The following MARCHF6 variants were observed in gnomAD, a reference collection of about 807,000 sequenced individuals.
MARCHF6 encodes membrane associated ring-CH-type finger 6, also known as E3 ubiquitin-protein ligase MARCHF6.
In MARCHF6, 31 loss-of-function variants were observed where a neutral mutation model predicts 133.7. The ratio of observed to expected loss-of-function variants is 0.23; its 90% confidence interval spans 0.17 to 0.31. The LOEUF (loss-of-function observed/expected upper bound fraction) is 0.31. Ranked by LOEUF, MARCHF6 falls within the 10% of genes least tolerant of loss-of-function variation. MARCHF6 has a pLI of 1.00. For synonymous variants in MARCHF6, 395 were observed against 402.5 expected, an observed-to-expected ratio of 0.98 and a Z score of 0.22; for missense variants, 723 against 1,121.6, an observed-to-expected ratio of 0.64 and a Z score of 5.08.
intron 23 of MARCHF6, 120 bp downstream of exon 23, chr5:10,423,944 G>C (rs1174337543): frequency 3.4e-6 from 2 of 581,086 alleles, no homozygotes; most frequent in East Asian, 6.3e-5. Flanking sequence ...TTTTTTGATG[G>C]GCATATATAA....
intron 1 of MARCHF6, among the ~76,000 whole-genome samples, 160 bp from the exon 2 acceptor site, chr5:10,377,637 GA>G (rs1736871082): frequency 6.6e-6 from 1 of 152,196 alleles, no homozygotes; most frequent in Non-Finnish European, 1.5e-5. Context: ...ATAAACACTT[GA>G]ATAGCAACTT....
chr5:10,398,628 C>A (rs933134119), intron 10 of MARCHF6, among the ~76,000 whole-genome samples: 1 of 150,576 alleles, frequency 6.6e-6, no homozygotes, highest in Non-Finnish European at 1.5e-5. Flanking sequence ...AGATTTAAGT[C>A]TTTACTCTTG....
chr5:10,377,702 T>C, intron 1 of MARCHF6, 96 bp from the exon 2 acceptor site: 1 of 720,026 alleles, frequency 1.4e-6, no homozygotes. Context: ...TGATAGATTC[T>C]TGCTTTAATG....
intron 11 of MARCHF6, 35 bp downstream of exon 11, chr5:10,400,877 C>G (rs750066886): frequency 6.3e-6 from 9 of 1,430,170 alleles, no homozygotes; most frequent in Non-Finnish European, 8.9e-6. Flanking sequence ...TACTTTCATT[C>G]ATTACTCCCA....
chr5:10,418,907 A>C (rs990325074), intron 22 of MARCHF6, among the ~76,000 whole-genome samples: 8 of 152,198 alleles, frequency 5.3e-5, no homozygotes, highest in Non-Finnish European at 1.2e-4. Context: ...CATTTAATCT[A>C]GCTTTGGGAG....
chr5:10,426,091 A>G (rs1481295345), intron 23 of MARCHF6, among the ~76,000 whole-genome samples: 1 of 152,244 alleles, frequency 6.6e-6, no homozygotes, highest in Non-Finnish European at 1.5e-5. Context: ...TCTTGAATGA[A>G]TACCACTGAA....
intron 1 of MARCHF6, among the ~76,000 whole-genome samples, chr5:10,359,597 A>G (rs770321557): frequency 2.2e-4 from 33 of 152,116 alleles, no homozygotes; most frequent in Non-Finnish European, 1.5e-4. Context: ...AAATTCTCCA[A>G]TATATTTATT....
rs372306828 is a variant in MARCHF6 at position 10,402,147 on chromosome 5, T to C, written c.1053+8T>C. The stretch of plus-strand genomic sequence containing the variant: ...ACACTGATAATTTGTCATGTATCCT[T>C]TAATGAACCAACTTGGGTGTACACT... On this transcript the variant is annotated splice_region_variant and intron_variant, in intron 12 of 25. Coordinates refer to ENST00000274140, the MANE Select transcript of MARCHF6 (RefSeq NM_005885.4). 54 of 1,544,556 alleles carry C rather than the reference T, an allele frequency of 3.5e-5. No homozygotes were observed. The highest frequency in any genetic ancestry group is 4.5e-5 in the Non-Finnish European group (50 of 1,121,316).
At chr5:10,397,185 A>G (rs746037256) in intron 9 of MARCHF6, 108 bp from the exon 10 acceptor site, 31 of 721,942 alleles carry the variant, frequency 4.3e-5, no homozygotes, top group African/African-American at 5.4e-5. Context: ...GAAAATTTCA[A>G]TCTTAGCTGT....
Position 10,407,105 on chromosome 5 carries a change from G to A in MARCHF6, c.1456G>A (p.Val486Ile), listed in dbSNP as rs1399860275. 6.2e-7 allele frequency: 1 copy of A among 1,600,356 alleles called. No homozygotes were observed. Among genetic ancestry groups the A allele is most frequent in the South Asian group, 1.1e-5 (1 of 90,608 alleles). The change falls in exon 17 of 26, where the codon GTC becomes ATC. Residue 486 changes from valine (V) to isoleucine (I), a missense_variant. Around this residue, in one of 4 missense-constraint regions of MARCHF6, gnomAD observed 492 missense variants for 699.5 expected, o/e 0.70. Coordinates refer to ENST00000274140, the MANE Select transcript of MARCHF6 (RefSeq NM_005885.4). ...HLRRFILSVI[V>I]FGSIVLLMLW... Reference sequence around the variant, plus strand: ...CATACCCTGTTTCCTTCTGCAGATTGTCTTTGGCTCCATTGTCCTCCTGAT... The same window carrying A: ...CATACCCTGTTTCCTTCTGCAGATTATCTTTGGCTCCATTGTCCTCCTGAT...
chr5:10,391,823 A>C (rs1042357271), intron 7 of MARCHF6, 92 bp downstream of exon 7: 213 of 1,275,620 alleles, frequency 1.7e-4, no homozygotes, highest in Non-Finnish European at 2.1e-4. Context: ...CAAATTTTTA[A>C]TGTTGTGAAG....
intron 18 of MARCHF6, 81 bp downstream of exon 18, chr5:10,410,357 T>A: frequency 1.3e-6 from 2 of 1,483,344 alleles, no homozygotes. Flanking sequence ...GTATGTTCCA[T>A]GGCCCACTCA....
chr5:10,387,007 G>A lies in MARCHF6; in HGVS notation c.348G>A (p.Lys116=), dbSNP rs368336634. 28 of 1,613,216 alleles carry A rather than the reference G, an allele frequency of 1.7e-5. No individual in the cohort carries two copies. Among genetic ancestry groups the A allele is most frequent in the Non-Finnish European group, 2.4e-5 (28 of 1,179,352 alleles). ...CTTTTTCGGTAGGCCGCATCTACAA[G>A]TGCTTGTTTACTGGCTCCGTGAGCT... ...VVPLTACRIY[K]CLFTGSVSSL... Residue 116 remains lysine, a synonymous_variant, in exon 5 of 26, where the codon AAG becomes AAA. Transcript: ENST00000274140.
In MARCHF6 at chr5:10,433,828, C is replaced by G; in HGVS notation, c.*144C>G. ...TGTGTTCTCAGCATTCAGAGAGCAG[C>G]GGTGTAAGATTCTGCTGTTCTCCCT... On this transcript the variant is annotated 3_prime_UTR_variant, in exon 26 of 26. Transcript: ENST00000274140. The G allele has an allele frequency of 1.5e-6, 1 of 672,188 alleles. No homozygotes were observed. Among genetic ancestry groups the G allele is most frequent in the Non-Finnish European group, 2.6e-6 (1 of 379,642 alleles). 41.6% of individuals were successfully genotyped at this position (672,188 alleles called of 1,614,324 possible). A position where few individuals can be genotyped will look rare whatever the true frequency, so the allele number is the denominator to read the frequency against.
intron 6 of MARCHF6, among the ~76,000 whole-genome samples, chr5:10,391,317 C>T (rs770429253): frequency 6.6e-6 from 1 of 151,400 alleles, no homozygotes; most frequent in South Asian, 2.1e-4. Flanking sequence ...AATTTAAGTA[C>T]AGATAGGGTC....
At chr5:10,363,377 A>AATAC (rs1288217366) in intron 1 of MARCHF6, among the ~76,000 whole-genome samples, 1 of 152,228 alleles carries the variant, frequency 6.6e-6, no homozygotes, top group African/African-American at 2.4e-5. Flanking sequence ...TTCACTAAAA[A>AATAC]ATACATGTAC....
At chr5:10,423,896 T>G in intron 23 of MARCHF6, 72 bp downstream of exon 23, 1 of 1,092,798 alleles carries the variant, frequency 9.2e-7, no homozygotes, top group Non-Finnish European at 1.4e-6. Context: ...CTATAACTCT[T>G]ATTTCTTATC....
intron 1 of MARCHF6, among the ~76,000 whole-genome samples, chr5:10,363,599 C>T (rs922212456): frequency 2.6e-5 from 4 of 152,072 alleles, no homozygotes; most frequent in Non-Finnish European, 5.9e-5. Context: ...GCTGAGTAAC[C>T]ATATGACCCA....
intron 23 of MARCHF6, among the ~76,000 whole-genome samples, chr5:10,424,130 A>G (rs1333274827): frequency 6.6e-6 from 1 of 152,194 alleles, no homozygotes; most frequent in Non-Finnish European, 1.5e-5. Context: ...TACCCAGGGA[A>G]TGAGTAATTT....
Sources: allele counts gnomAD v4.1 joint callset (sites outside exome capture counted in the v4.1 genomes callset), GRCh38; gene constraint gnomAD v4.1.1; regional missense constraint gnomAD v4.1.1; transcripts MANE v1.5; gene names NCBI Gene and HGNC (gene_info 2026-07-23, HGNC 2026-07-21).